The following PPM1E variants were observed in gnomAD, a reference collection of about 807,000 sequenced individuals.
PPM1E encodes protein phosphatase, Mg2+/Mn2+ dependent 1E, also known as protein phosphatase 1E.
PPM1E carries 20 observed loss-of-function variants against 65.9 expected under a neutral mutation model. The observed-to-expected ratio is 0.30, with a 90% CI of 0.21 to 0.44. The LOEUF (loss-of-function observed/expected upper bound fraction) is 0.44, where lower values mean the gene tolerates loss of function less well. Among genes scored for constraint, PPM1E ranks in the 20% least tolerant of loss-of-function variants. The pLI is 1.00. For synonymous variants in PPM1E, 352 were observed against 374.9 expected (o/e 0.94, Z 0.70); for missense variants, 713 against 953.1 (o/e 0.75, Z 3.32).
At chr17:58,924,789 C>T (rs1167427698) in intron 1 of PPM1E, among the ~76,000 whole-genome samples, 1 of 140,218 alleles carries the variant, frequency 7.1e-6, no homozygotes, top group Non-Finnish European at 1.5e-5. Flanking sequence ...CATGTGTTCT[C>T]CTTGTTCAAC....
chr17:58,781,079 G>T (rs917995985), intron 1 of PPM1E, among the ~76,000 whole-genome samples: 1 of 151,344 alleles, frequency 6.6e-6, no homozygotes, highest in Non-Finnish European at 1.5e-5. Context: ...ATTTATAAAA[G>T]ATTGGTATAA....
At chr17:58,888,016 A>G (rs2051297220) in intron 1 of PPM1E, among the ~76,000 whole-genome samples, 1 of 152,204 alleles carries the variant, frequency 6.6e-6, no homozygotes, top group Admixed American at 6.5e-5. Context: ...AGGAAGCATA[A>G]ATTCAATGAT....
intron 1 of PPM1E, among the ~76,000 whole-genome samples, chr17:58,850,584 T>C (rs141492311): frequency 0.029 from 4,349 of 152,286 alleles, 98 homozygotes; most frequent in African/African-American, 0.06. Flanking sequence ...TTCTTTTCTG[T>C]AAGAATGTTG....
At chr17:58,787,568 A>G (rs536437497) in intron 1 of PPM1E, among the ~76,000 whole-genome samples, 6 of 152,118 alleles carry the variant, frequency 3.9e-5, no homozygotes, top group African/African-American at 9.7e-5. Flanking sequence ...AAGAGTCTAG[A>G]GAGTATACAT....
At chr17:58,800,508 C>G (rs961516137) in intron 1 of PPM1E, among the ~76,000 whole-genome samples, 5 of 151,946 alleles carry the variant, frequency 3.3e-5, no homozygotes, top group Non-Finnish European at 7.4e-5. Flanking sequence ...TGTTATTTCT[C>G]TAAGTGTTTG....
At chr17:58,779,501 A>G (rs1567831174) in intron 1 of PPM1E, among the ~76,000 whole-genome samples, 1 of 152,014 alleles carries the variant, frequency 6.6e-6, no homozygotes, top group African/African-American at 2.4e-5. Flanking sequence ...GTTGTATTTT[A>G]TTCTTTAAAA....
At chr17:58,945,340 A>G (rs4500802) in intron 1 of PPM1E, among the ~76,000 whole-genome samples, 96,771 of 151,940 alleles carry the variant, frequency 0.64, 31,201 homozygotes, top group African/African-American at 0.71. Flanking sequence ...ACGGGGTTTC[A>G]TCATGTTGGC....
chr17:58,873,705 T>A (rs1329268872), intron 1 of PPM1E, among the ~76,000 whole-genome samples: 1 of 151,322 alleles, frequency 6.6e-6, no homozygotes, highest in East Asian at 1.9e-4. Flanking sequence ...GTGATCCTCC[T>A]GCCTCAGCAC....
chr17:58,828,044 C>T (rs374381735), intron 1 of PPM1E, among the ~76,000 whole-genome samples: 2 of 151,308 alleles, frequency 1.3e-5, no homozygotes, highest in East Asian at 1.9e-4. Context: ...CATGGTGAAA[C>T]CCCGTGTCTA....
chr17:58,781,811 A>G lies in PPM1E; in HGVS notation c.464+25350A>G, dbSNP rs373267033. On this transcript the variant is annotated intron_variant, in intron 1 of 6. Transcript: ENST00000308249. ...TGAGGCAGGAGAATCACTTGAACACAGTAGGTAGAGGTTGCAGTGAGCCAA... is the reference window on the plus strand; with the variant it reads ...TGAGGCAGGAGAATCACTTGAACACGGTAGGTAGAGGTTGCAGTGAGCCAA... Among the ~76,000 whole-genome samples the G allele has an allele frequency of 5.3e-4, 81 of 152,050 alleles. 2 individuals are homozygous for G. The Middle Eastern group carries it at 0.017, about 32-fold the overall frequency.
At chr17:58,928,951 G>A (rs1316435345) in intron 1 of PPM1E, among the ~76,000 whole-genome samples, 5 of 152,042 alleles carry the variant, frequency 3.3e-5, no homozygotes, top group Admixed American at 6.6e-5. Flanking sequence ...TGATCCACCC[G>A]CCTCGGCCTC....
chr17:58,976,708 A>G (rs1363060650), intron 6 of PPM1E, among the ~76,000 whole-genome samples: 1 of 152,182 alleles, frequency 6.6e-6, no homozygotes, highest in Non-Finnish European at 1.5e-5. Context: ...GCGAAATGTC[A>G]TGAATTTGAC....
chr17:58,922,079 C>G (rs1390500378), intron 1 of PPM1E, among the ~76,000 whole-genome samples: 1 of 149,938 alleles, frequency 6.7e-6, no homozygotes, highest in African/African-American at 2.5e-5. Flanking sequence ...TGTATGGGTA[C>G]AGATGCACAT....
chr17:58,982,688 G>T lies in PPM1E; in HGVS notation c.*1657G>T. Reference sequence around the variant, plus strand: ...TACAGATTTTATTTTTTAAAATTTGGATGTAAGTAGAGACTTTCAGTATTT... The same window carrying T: ...TACAGATTTTATTTTTTAAAATTTGTATGTAAGTAGAGACTTTCAGTATTT... On this transcript the variant is annotated 3_prime_UTR_variant, in exon 7 of 7. Transcript: ENST00000308249. 2.1e-6 allele frequency: 1 copy of T among 477,472 alleles called. No homozygotes were observed. The allele number at this position is 477,472 out of a possible 1,614,324, so 29.6% of individuals were successfully genotyped here. A position where few individuals can be genotyped will look rare whatever the true frequency, so the allele number is the denominator to read the frequency against.
At chr17:58,913,838 T>C (rs1272395287) in intron 1 of PPM1E, among the ~76,000 whole-genome samples, 1 of 152,180 alleles carries the variant, frequency 6.6e-6, no homozygotes, top group Non-Finnish European at 1.5e-5. Flanking sequence ...ATAATAGTGA[T>C]GTTATTCATA....
intron 1 of PPM1E, among the ~76,000 whole-genome samples, chr17:58,868,354 G>A (rs756007355): frequency 5.9e-5 from 9 of 151,820 alleles, no homozygotes; most frequent in Non-Finnish European, 1.0e-4. Flanking sequence ...GTAGGCCCTC[G>A]CTAACAATAT....
At chr17:58,959,328 AAC>A (rs1392631958) in intron 2 of PPM1E, among the ~76,000 whole-genome samples, 17 of 138,136 alleles carry the variant, frequency 1.2e-4, no homozygotes, top group African/African-American at 4.4e-4. Flanking sequence ...AAAAAAAAAA[AAC>A]GACTCATGCC....
chr17:58,779,401 G>C (rs1187674556), intron 1 of PPM1E, among the ~76,000 whole-genome samples: 3 of 151,914 alleles, frequency 2.0e-5, no homozygotes, highest in Non-Finnish European at 4.4e-5. Context: ...TCGAACTTCC[G>C]ACCTCAGGTG....
chr17:58,968,449 T>C (rs1462248128), intron 3 of PPM1E, among the ~76,000 whole-genome samples: 1 of 152,098 alleles, frequency 6.6e-6, no homozygotes, highest in Admixed American at 6.5e-5. Flanking sequence ...TAAAAAGAAC[T>C]TTTTCAAAGT....
Sources: allele counts gnomAD v4.1 joint callset (sites outside exome capture counted in the v4.1 genomes callset), GRCh38; gene constraint gnomAD v4.1.1; transcripts MANE v1.5; gene names NCBI Gene and HGNC (gene_info 2026-07-23, HGNC 2026-07-21).